LNX2: variants seen among roughly 807,000 people sequenced by gnomAD.
The protein encoded by LNX2 is ligand of Numb protein X 2.
A neutral mutation model predicts 66.2 loss-of-function variants in LNX2; 35 were observed. That is an observed-to-expected ratio of 0.53 (90% CI 0.40 to 0.70). LNX2 has a LOEUF of 0.70. Among genes scored for constraint, LNX2 ranks in the 30% least tolerant of loss-of-function variants. The pLI, the probability that LNX2 is intolerant of heterozygous loss-of-function variation, is 0.00. For missense variants in LNX2, 791 were observed against 850.8 expected (o/e 0.93, Z 0.87); for synonymous variants, 337 against 315.6 (o/e 1.07, Z -0.72).
At chr13:27,578,224 T>C (rs1955361088) in intron 2 of LNX2, among the ~76,000 whole-genome samples, 1 of 152,228 alleles carries the variant, frequency 6.6e-6, no homozygotes, top group South Asian at 2.1e-4. Context: ...GCTCTATTTC[T>C]ACCAATAATT....
intron 1 of LNX2, among the ~76,000 whole-genome samples, chr13:27,614,927 A>T (rs922817693): frequency 6.6e-6 from 1 of 152,074 alleles, no homozygotes; most frequent in African/African-American, 2.4e-5. Flanking sequence ...ATAAAAACAC[A>T]CTCAGGAGTG....
In LNX2 at chr13:27,562,679, A is replaced by G; in HGVS notation, c.958T>C (p.Phe320Leu). ...LHLTVLRERR[F>L]GNRAHNHSDS... The stretch of plus-strand genomic sequence containing the variant: ...GAATGGTTGTGTGCTCGGTTGCCAA[A>G]GCGCCTCTCTCGAAGCACAGTAAGA... Residue 320 changes from phenylalanine to leucine, a missense_variant, in exon 5 of 10, where the codon TTT (phenylalanine) becomes CTT (leucine). Transcript: ENST00000316334. 6.2e-7 allele frequency: 1 copy of G among 1,614,198 alleles called. No individual in the cohort carries two copies. Among genetic ancestry groups the G allele is most frequent in the African/African-American group, 1.3e-5 (1 of 75,050 alleles).
intron 2 of LNX2, among the ~76,000 whole-genome samples, chr13:27,570,222 G>A (rs1327092918): frequency 3.3e-5 from 5 of 152,066 alleles, no homozygotes; most frequent in South Asian, 2.1e-4. Flanking sequence ...ACGACTCTAC[G>A]GATGACACAT....
chr13:27,548,569 C>T (rs79591138), intron 9 of LNX2, 99 bp from the exon 10 acceptor site: 1 of 1,241,096 alleles, frequency 8.1e-7, no homozygotes, highest in Non-Finnish European at 1.1e-6. Flanking sequence ...GTTTCACTTA[C>T]CACTGAACTG....
chr13:27,620,304 C>T (rs1955883869), intron 1 of LNX2, 71 bp downstream of exon 1: 1 of 152,132 alleles, frequency 6.6e-6, no homozygotes, highest in Non-Finnish European at 1.5e-5. Flanking sequence ...CAGCTGACGC[C>T]CGCACCTGAG....
Position 27,550,775 on chromosome 13 carries a change from C to A in LNX2, c.1779-284G>T, listed in dbSNP as rs188270268. 3.6e-3 allele frequency among the ~76,000 whole-genome samples: 544 copies of A among 152,172 alleles called. 1 individual carries two copies. The highest frequency in any genetic ancestry group is 0.013 in the African/African-American group (521 of 41,526). On this transcript the variant is annotated intron_variant, in intron 8 of 9. Transcript: ENST00000316334. ...CTGGTTACAAATTACACCTCAGTAA[C>A]CTGTACAAAAAGGTCATGTACCTAT...
intron 1 of LNX2, among the ~76,000 whole-genome samples, chr13:27,599,210 G>A (rs573978827): frequency 2.6e-5 from 4 of 152,168 alleles, no homozygotes; most frequent in Admixed American, 2.0e-4. Context: ...TATTTGTCAT[G>A]GGGCACAAAA....
At chr13:27,551,147 G>C (rs766777352) in intron 8 of LNX2, among the ~76,000 whole-genome samples, 2 of 151,978 alleles carry the variant, frequency 1.3e-5, no homozygotes, top group Non-Finnish European at 2.9e-5. Context: ...GACAAGCTGG[G>C]TACAGCGTCA....
intron 1 of LNX2, among the ~76,000 whole-genome samples, chr13:27,592,086 A>G (rs1402321057): frequency 6.6e-6 from 1 of 152,232 alleles, no homozygotes; most frequent in Non-Finnish European, 1.5e-5. Flanking sequence ...TTACTGGGCT[A>G]ACTAAATCTT....
At chr13:27,555,467 A>G (rs928627134) in intron 7 of LNX2, among the ~76,000 whole-genome samples, 4 of 152,176 alleles carry the variant, frequency 2.6e-5, no homozygotes, top group Non-Finnish European at 4.4e-5. Context: ...TATTCTTTGT[A>G]GCACAAAAGT....
intron 1 of LNX2, among the ~76,000 whole-genome samples, chr13:27,600,106 C>CA (rs1955640843): frequency 6.6e-6 from 1 of 152,178 alleles, no homozygotes; most frequent in South Asian, 2.1e-4. Context: ...TTATCTGCTG[C>CA]ATGCCAGGCA....
chr13:27,551,306 T>TAC (rs1003951156), intron 8 of LNX2, among the ~76,000 whole-genome samples: 1 of 151,782 alleles, frequency 6.6e-6, no homozygotes, highest in Admixed American at 6.6e-5. Flanking sequence ...TACACATCTA[T>TAC]ACACACACAT....
chr13:27,572,784 G>C (rs1955298185), intron 2 of LNX2, among the ~76,000 whole-genome samples: 1 of 152,166 alleles, frequency 6.6e-6, no homozygotes, highest in Non-Finnish European at 1.5e-5. Flanking sequence ...TATTAATAGT[G>C]GGGGTGGTGG....
At chr13:27,609,084 C>A (rs762782010) in intron 1 of LNX2, among the ~76,000 whole-genome samples, 1 of 151,894 alleles carries the variant, frequency 6.6e-6, no homozygotes, top group Non-Finnish European at 1.5e-5. Flanking sequence ...TAAGCCACTG[C>A]GCCTGGCCTG....
intron 1 of LNX2, among the ~76,000 whole-genome samples, chr13:27,591,559 C>G (rs574007145): frequency 6.6e-6 from 1 of 152,314 alleles, no homozygotes; most frequent in East Asian, 1.9e-4. Flanking sequence ...ACTAATTATT[C>G]TTTTCCCTAA....
intron 1 of LNX2, among the ~76,000 whole-genome samples, chr13:27,599,538 C>A (rs1480380606): frequency 6.6e-6 from 1 of 152,168 alleles, no homozygotes; most frequent in African/African-American, 2.4e-5. Context: ...AAAAGAAATT[C>A]ATTTACGTTA....
chr13:27,581,435 C>A lies in LNX2; in HGVS notation c.269G>T (p.Arg90Ile). 2.5e-6 allele frequency: 4 copies of A among 1,610,016 alleles called. No individual in the cohort carries two copies. Among genetic ancestry groups the A allele is most frequent in the South Asian group, 2.2e-5 (2 of 90,852 alleles). Residue 90 changes from arginine (R) to isoleucine (I), a missense_variant, in exon 2 of 10, where the codon AGA becomes ATA. By Grantham distance (97) the Arg-to-Ile change is moderately conservative. Coordinates refer to ENST00000316334, the MANE Select transcript of LNX2 (RefSeq NM_153371.4). The stretch of plus-strand genomic sequence containing the variant: ...CTTCTTGCACAACTTAAAATGAAGT[C>A]TTTTCCGGTCCAACGGACAGAAATC... ...EKDFCPLDRK[R>I]LHFKLCKKSS...
chr13:27,608,961 T>G (rs1214256057), intron 1 of LNX2, among the ~76,000 whole-genome samples: 1 of 152,030 alleles, frequency 6.6e-6, no homozygotes, highest in African/African-American at 2.4e-5. Flanking sequence ...TGTACCACCA[T>G]GCCCAGCTAA....
chr13:27,569,904 A>G (rs1955257058), intron 2 of LNX2, among the ~76,000 whole-genome samples: 1 of 152,226 alleles, frequency 6.6e-6, no homozygotes, highest in Admixed American at 6.5e-5. Flanking sequence ...TGCTATGTAA[A>G]CTGAAGAATA....
Sources: allele counts gnomAD v4.1 joint callset (sites outside exome capture counted in the v4.1 genomes callset), GRCh38; gene constraint gnomAD v4.1.1; transcripts MANE v1.5; gene names NCBI Gene and HGNC (gene_info 2026-07-23, HGNC 2026-07-21).